Variants in PPFIA1 observed in about 807,000 individuals in gnomAD.
PPFIA1 encodes the protein liprin-alpha-1.
Under a neutral mutation model 149.9 loss-of-function variants are expected in PPFIA1, and 25 were observed. The observed-to-expected ratio is 0.17, with a 90% CI of 0.12 to 0.23. The LOEUF is 0.23. PPFIA1 is among the 10% of genes least tolerant of loss of function. PPFIA1 has a pLI of 1.00. For missense variants in PPFIA1, 1,362 were observed against 1,506.5 expected, an observed-to-expected ratio of 0.90 and a Z score of 1.59; for synonymous variants, 549 against 552.8, an observed-to-expected ratio of 0.99 and a Z score of 0.10.
At chr11:70,272,539 A>G in intron 2 of PPFIA1, 103 bp downstream of exon 2, 1 of 1,313,390 alleles carries the variant, frequency 7.6e-7, no homozygotes, top group Non-Finnish European at 1.0e-6. Context: ...TTCCGTAACG[A>G]TTTGTGAAAT....
intron 2 of PPFIA1, among the ~76,000 whole-genome samples, chr11:70,309,978 T>C (rs1190539185): frequency 6.6e-6 from 1 of 152,178 alleles, no homozygotes; most frequent in Non-Finnish European, 1.5e-5. Context: ...AATTGTACAC[T>C]TAAAATGGTT....
At chr11:70,365,761 GCTC>G (rs1454731437) in intron 21 of PPFIA1, 34 of 369,550 alleles carry the variant, frequency 9.2e-5, no homozygotes, top group Admixed American at 1.5e-4. Flanking sequence ...GAGAGAGTCT[GCTC>G]CTTGCATGAG....
chr11:70,342,311 T>C (rs1444958266), intron 14 of PPFIA1, among the ~76,000 whole-genome samples: 1 of 152,084 alleles, frequency 6.6e-6, no homozygotes, highest in Non-Finnish European at 1.5e-5. Context: ...AGTGCAGGCC[T>C]TGGTTTTGTC....
At chr11:70,370,148 G>A (rs1024628468) in intron 21 of PPFIA1, among the ~76,000 whole-genome samples, 1 of 151,252 alleles carries the variant, frequency 6.6e-6, no homozygotes, top group Non-Finnish European at 1.5e-5. Flanking sequence ...AAGAGGTTTC[G>A]CCATGTTGGC....
intron 9 of PPFIA1, 55 bp from the exon 10 acceptor site, chr11:70,333,415 C>A: frequency 7.2e-7 from 1 of 1,388,490 alleles, no homozygotes; most frequent in Non-Finnish European, 1.0e-6. Flanking sequence ...TGGTATGCAG[C>A]ATGTCGTTAA....
chr11:70,338,337 G>C (rs754333133), intron 12 of PPFIA1, 37 bp from the exon 13 acceptor site: 1 of 1,512,750 alleles, frequency 6.6e-7, no homozygotes, highest in Non-Finnish European at 9.2e-7. Flanking sequence ...AAATCTAAAA[G>C]AGATAGCAGT....
intron 21 of PPFIA1, chr11:70,367,524 T>G (rs1359287816): frequency 2.2e-6 from 1 of 455,970 alleles, no homozygotes; most frequent in Non-Finnish European, 4.4e-6. Flanking sequence ...GTGCTGGGAG[T>G]AAACACTGTG....
intron 15 of PPFIA1, among the ~76,000 whole-genome samples, chr11:70,344,946 A>C (rs1259072695): frequency 6.6e-6 from 1 of 152,170 alleles, no homozygotes; most frequent in Non-Finnish European, 1.5e-5. Flanking sequence ...CAATCTGGCA[A>C]GGCTGGAGCC....
At position 70,366,039 on chromosome 11, in the gene PPFIA1, G is replaced by C. The variant is rs537462209; in HGVS notation, c.2865+3551G>C. ...AAAAGCAATTGGAGTATGAAAACTTGTGTAATCTACTTTTTTTGATGTTTA... is the reference window on the plus strand; with the variant it reads ...AAAAGCAATTGGAGTATGAAAACTTCTGTAATCTACTTTTTTTGATGTTTA... On this transcript the variant is annotated intron_variant, in intron 21 of 27. Coordinates refer to ENST00000253925, the MANE Select transcript of PPFIA1 (RefSeq NM_003626.5). The C allele has an allele frequency of 1.4e-5, 6 of 441,352 alleles. No homozygotes were observed. The Admixed American group carries it at 1.6e-4, about 12-fold the overall frequency. The allele number at this position is 441,352 out of a possible 1,614,324, so 27.3% of individuals were successfully genotyped here. A position where few individuals can be genotyped will look rare whatever the true frequency, so the allele number is the denominator to read the frequency against.
intron 21 of PPFIA1, among the ~76,000 whole-genome samples, chr11:70,363,738 T>G (rs2056780824): frequency 6.6e-6 from 1 of 152,180 alleles, no homozygotes; most frequent in South Asian, 2.1e-4. Context: ...GGTCTGGAAC[T>G]CCTGGCCTCC....
chr11:70,301,970 T>G (rs2052514275), intron 2 of PPFIA1, among the ~76,000 whole-genome samples: 1 of 152,248 alleles, frequency 6.6e-6, no homozygotes, highest in Non-Finnish European at 1.5e-5. Context: ...CGGTTCCTTG[T>G]TGTGGCTTGG....
chr11:70,298,217 A>G (rs980496869), intron 2 of PPFIA1, among the ~76,000 whole-genome samples: 2 of 152,184 alleles, frequency 1.3e-5, no homozygotes, highest in African/African-American at 4.8e-5. Context: ...CATTTCAAGG[A>G]GAAAGGTTCA....
intron 21 of PPFIA1, among the ~76,000 whole-genome samples, chr11:70,363,978 G>C (rs1232007228): frequency 6.6e-6 from 1 of 152,176 alleles, no homozygotes; most frequent in African/African-American, 2.4e-5. Flanking sequence ...TCCTGCCTCA[G>C]ACTCCCAAGT....
In PPFIA1 at chr11:70,337,393, C is replaced by A; in HGVS notation, c.1457C>A (p.Ala486Glu). 1 of 1,595,364 alleles carries A rather than the reference C, an allele frequency of 6.3e-7. No individual in the cohort carries two copies. The highest frequency in any genetic ancestry group is 1.7e-5 in the Admixed American group (1 of 57,222). ...KNSLLREVES[A>E]KKQLEETQHD... ...TCTCTTTTAAGAGAAGTTGAAAGTG[C>A]AAAAAAGCAGTTAGAAGAAACACAA... The change falls in exon 12 of 28, where the codon GCA becomes GAA. Residue 486 changes from alanine to glutamate, a missense_variant. Physicochemically the swap from Ala to Glu is moderately radical, Grantham distance 107. Around this residue, in one of 7 missense-constraint regions of PPFIA1, gnomAD observed 733 missense variants for 744.1 expected, o/e 0.99. Coordinates refer to ENST00000253925, the MANE Select transcript of PPFIA1 (RefSeq NM_003626.5).
intron 2 of PPFIA1, among the ~76,000 whole-genome samples, chr11:70,295,817 T>TGCC (rs1565357357): frequency 1.3e-5 from 2 of 148,458 alleles, no homozygotes; most frequent in African/African-American, 5.0e-5. Flanking sequence ...GGGCGGCTGC[T>TGCC]GGGCGGAGAC....
intron 13 of PPFIA1, 108 bp downstream of exon 13, chr11:70,338,561 G>T: frequency 1.2e-6 from 1 of 831,338 alleles, no homozygotes; most frequent in Non-Finnish European, 1.9e-6. Flanking sequence ...ACCTCAAGGA[G>T]CCTGTAGCTT....
intron 21 of PPFIA1, among the ~76,000 whole-genome samples, chr11:70,369,653 A>G (rs1406630454): frequency 6.6e-6 from 1 of 152,260 alleles, no homozygotes; most frequent in Non-Finnish European, 1.5e-5. Context: ...AGGTTCTAAT[A>G]GAGATACGTG....
In PPFIA1 at chr11:70,332,083, G is replaced by C. The variant is rs1226224897; in HGVS notation, c.1201G>C (p.Ala401Pro). The change falls in exon 9 of 28, where the codon GCG (alanine) becomes CCG (proline). Residue 401 changes from alanine (A) to proline (P), a missense_variant. Ala to Pro is a conservative substitution (Grantham distance 27). Coordinates refer to ENST00000253925, the MANE Select transcript of PPFIA1 (RefSeq NM_003626.5). ...VEAELAQRVAALSKAEERHGN... is the reference protein window; with the variant it reads ...VEAELAQRVAPLSKAEERHGN... Reference sequence around the variant, plus strand: ...GGCGGAGCTGGCCCAGAGGGTGGCAGCGCTTTCCAAGGTAGTGCCATGAGC... The same window carrying C: ...GGCGGAGCTGGCCCAGAGGGTGGCACCGCTTTCCAAGGTAGTGCCATGAGC... 4 of 1,606,324 alleles carry C rather than the reference G, an allele frequency of 2.5e-6. No individual in the cohort carries two copies. Among genetic ancestry groups the C allele is most frequent in the Non-Finnish European group, 3.4e-6 (4 of 1,177,102 alleles).
chr11:70,332,081 C>G lies in PPFIA1; in HGVS notation c.1199C>G (p.Ala400Gly). The change falls in exon 9 of 28, where the codon GCA becomes GGA. Residue 400 changes from alanine (A) to glycine (G), a missense_variant. Physicochemically the swap from Ala to Gly is moderately conservative, Grantham distance 60. Around this residue, in one of 7 missense-constraint regions of PPFIA1, gnomAD observed 733 missense variants for 744.1 expected, o/e 0.99. Coordinates refer to ENST00000253925, the MANE Select transcript of PPFIA1 (RefSeq NM_003626.5). Reference protein sequence around the residue: ...EVEAELAQRVAALSKAEERHG... With the variant: ...EVEAELAQRVGALSKAEERHG... ...GAGGCGGAGCTGGCCCAGAGGGTGG[C>G]AGCGCTTTCCAAGGTAGTGCCATGA... The G allele has an allele frequency of 6.2e-7, 1 of 1,605,770 alleles. No homozygotes were observed. The highest frequency in any genetic ancestry group is 8.5e-7 in the Non-Finnish European group (1 of 1,176,950).
Sources: allele counts gnomAD v4.1 joint callset (sites outside exome capture counted in the v4.1 genomes callset), GRCh38; gene constraint gnomAD v4.1.1; regional missense constraint gnomAD v4.1.1; transcripts MANE v1.5; gene names NCBI Gene and HGNC (gene_info 2026-07-23, HGNC 2026-07-21).